The following DLGAP2 variants were observed in gnomAD, a reference collection of about 807,000 sequenced individuals.
The protein encoded by DLGAP2 is disks large-associated protein 2.
Under a neutral mutation model 100.3 loss-of-function variants are expected in DLGAP2, and 26 were observed. The ratio of observed to expected loss-of-function variants is 0.26; its 90% CI spans 0.19 to 0.36. The LOEUF (loss-of-function observed/expected upper bound fraction) is 0.36, where lower values mean the gene tolerates loss of function less well. Ranked by LOEUF, DLGAP2 falls within the 10% of genes least tolerant of loss-of-function variation. The pLI, the probability that DLGAP2 is intolerant of heterozygous loss-of-function variation, is 1.00. For missense variants in DLGAP2, 1,858 were observed against 1,453.2 expected (o/e 1.28, Z -4.53); for synonymous variants, 886 against 630.1 (o/e 1.41, Z -6.08).
chr8:1,368,589 A>G (rs1176265151), intron 3 of DLGAP2: 1 of 152,256 alleles, frequency 6.6e-6, no homozygotes, highest in East Asian at 1.9e-4. Flanking sequence ...AGGATTAATA[A>G]TTAAAAATGG....
chr8:1,281,781 G>C (rs1165743191), intron 3 of DLGAP2, among the ~76,000 whole-genome samples: 1 of 152,218 alleles, frequency 6.6e-6, no homozygotes, highest in Non-Finnish European at 1.5e-5. Flanking sequence ...TGGGAACAGA[G>C]GCGTGGAGGG....
At chr8:1,423,258 C>T (rs1797148564) in intron 3 of DLGAP2, among the ~76,000 whole-genome samples, 1 of 98,318 alleles carries the variant, frequency 1.0e-5, no homozygotes, top group Non-Finnish European at 2.3e-5. Context: ...TCTACTTAGT[C>T]ACAGCTCTTA....
chr8:1,428,779 A>G (rs942254856), intron 3 of DLGAP2, among the ~76,000 whole-genome samples: 3 of 152,228 alleles, frequency 2.0e-5, no homozygotes, highest in African/African-American at 7.2e-5. Context: ...CATGTGGCTC[A>G]TATCAGTGCA....
At chr8:831,062 AT>A (rs1796773207) in intron 1 of DLGAP2, among the ~76,000 whole-genome samples, 1 of 151,686 alleles carries the variant, frequency 6.6e-6, no homozygotes, top group Admixed American at 6.6e-5. Context: ...TACCTGGCTA[AT>A]TTTTTTGTAC....
At chr8:1,595,282 AC>A (rs1398147258) in intron 6 of DLGAP2, among the ~76,000 whole-genome samples, 1 of 151,974 alleles carries the variant, frequency 6.6e-6, no homozygotes, top group Non-Finnish European at 1.5e-5. Context: ...ATATATATAA[AC>A]TTTTTATTGA....
chr8:1,198,111 T>G (rs1797793624), intron 2 of DLGAP2, among the ~76,000 whole-genome samples: 1 of 146,924 alleles, frequency 6.8e-6, no homozygotes, highest in Admixed American at 6.7e-5. Flanking sequence ...TGTGTGTACG[T>G]GTGTGCGTGT....
intron 2 of DLGAP2, among the ~76,000 whole-genome samples, chr8:1,115,644 A>C (rs1419382654): frequency 6.6e-6 from 1 of 152,180 alleles, no homozygotes; most frequent in African/African-American, 2.4e-5. Flanking sequence ...GTAAAATCAA[A>C]CAATTCAGAG....
intron 2 of DLGAP2, among the ~76,000 whole-genome samples, chr8:1,244,664 T>C (rs1425255018): frequency 2.0e-5 from 3 of 152,058 alleles, no homozygotes; most frequent in Non-Finnish European, 4.4e-5. Context: ...AGGCAAGAGA[T>C]AAAATTATAA....
intron 4 of DLGAP2, among the ~76,000 whole-genome samples, chr8:1,501,728 T>C (rs1359755524): frequency 6.6e-6 from 1 of 152,206 alleles, no homozygotes; most frequent in African/African-American, 2.4e-5. Flanking sequence ...CCTCTGTGTC[T>C]AAACATATTC....
chr8:1,237,337 A>G (rs1473026120), intron 2 of DLGAP2, among the ~76,000 whole-genome samples: 1 of 108,956 alleles, frequency 9.2e-6, no homozygotes, highest in Admixed American at 8.4e-5. Flanking sequence ...GTTCTCTCAC[A>G]TGGTGCCGTG....
At chr8:1,533,803 A>G (rs1054172669) in intron 4 of DLGAP2, among the ~76,000 whole-genome samples, 1 of 152,138 alleles carries the variant, frequency 6.6e-6, no homozygotes, top group African/African-American at 2.4e-5. Context: ...CAAAAAAATT[A>G]AAAAATAGCC....
intron 2 of DLGAP2, among the ~76,000 whole-genome samples, chr8:1,050,928 T>C: frequency 6.9e-6 from 1 of 143,980 alleles, no homozygotes; most frequent in South Asian, 2.3e-4. Flanking sequence ...ACGTGCCCGG[T>C]CATTTCGTGG....
chr8:773,897 G>C (rs1195161283), intron 1 of DLGAP2, among the ~76,000 whole-genome samples: 1 of 152,112 alleles, frequency 6.6e-6, no homozygotes, highest in Admixed American at 6.5e-5. Flanking sequence ...GGTATTTCTA[G>C]TTCTAGATCC....
rs116943272 is a variant in DLGAP2 at position 829,837 on chromosome 8, C to T, written c.19-78075C>T. ...AACTGCAGTATATTATGGTGCTTTC[C>T]TTGTCAATCAAATATTCAAAATGTG... On this transcript the variant is annotated intron_variant, in intron 1 of 14. Transcript: ENST00000637795. 4.5e-3 allele frequency among the ~76,000 whole-genome samples: 689 copies of T among 152,210 alleles called. 1 individual carries two copies. The highest frequency in any genetic ancestry group is 7.4e-3 in the Non-Finnish European group (500 of 68,004).
chr8:1,112,327 G>A (rs2123053), intron 2 of DLGAP2, among the ~76,000 whole-genome samples: 5 of 134,634 alleles, frequency 3.7e-5, no homozygotes, highest in Admixed American at 8.7e-5. Flanking sequence ...TGCAAGCTCC[G>A]CCTCCCCGGT....
intron 2 of DLGAP2, among the ~76,000 whole-genome samples, chr8:1,072,678 G>A (rs1803471180): frequency 6.6e-6 from 1 of 152,172 alleles, no homozygotes; most frequent in Non-Finnish European, 1.5e-5. Context: ...TCACCATCAT[G>A]CTCTCCTGGA....
chr8:859,011 C>T (rs1797338546), intron 1 of DLGAP2, among the ~76,000 whole-genome samples: 2 of 152,236 alleles, frequency 1.3e-5, no homozygotes, highest in African/African-American at 4.8e-5. Flanking sequence ...CTCAACTTTT[C>T]TGTAAGCCTA....
chr8:891,138 C>A (rs561495763), intron 1 of DLGAP2: 2 of 152,074 alleles, frequency 1.3e-5, no homozygotes, highest in Non-Finnish European at 2.9e-5. Context: ...CACCCCCCCC[C>A]CAGTTGCCAA....
intron 3 of DLGAP2, among the ~76,000 whole-genome samples, chr8:1,307,911 C>T (rs796929002): frequency 2.0e-5 from 3 of 151,542 alleles, no homozygotes; most frequent in African/African-American, 7.3e-5. Context: ...CAGAGTTTCA[C>T]ATGAGGAAAA....
Sources: gnomAD v4.1 joint callset for allele counts (sites outside exome capture counted in the v4.1 genomes callset) on GRCh38, gnomAD v4.1.1 for gene constraint, MANE v1.5 for transcripts, NCBI Gene and HGNC (gene_info 2026-07-23, HGNC 2026-07-21) for gene names.